ELF1: variants seen among roughly 807,000 people sequenced by gnomAD.
ELF1 encodes ETS-related transcription factor Elf-1.
A neutral mutation model predicts 59.9 loss-of-function variants in ELF1; 24 were observed. That is an observed-to-expected ratio of 0.40 (90% CI 0.29 to 0.56). The LOEUF is 0.56. Among genes scored for constraint, ELF1 ranks in the 20% least tolerant of loss-of-function variants. The pLI is 0.44. For missense variants in ELF1, 627 were observed against 742.2 expected (o/e 0.84, Z 1.80); for synonymous variants, 248 against 266.2 (o/e 0.93, Z 0.67).
At chr13:40,947,540 G>A (rs2138148547) in intron 5 of ELF1, among the ~76,000 whole-genome samples, 2 of 152,116 alleles carry the variant, frequency 1.3e-5, no homozygotes, top group Middle Eastern at 6.8e-3. Flanking sequence ...GTTAATCCTG[G>A]GCCTGTCTTA....
chr13:40,943,893 G>A lies in ELF1; in HGVS notation c.562C>T (p.Pro188Ser). The stretch of plus-strand genomic sequence containing the variant: ...ACAGATATATTTGGCGTAGTGGCTG[G>A]GGAATCTGGTCGTGGTGGTTTAGTT... ...RKTKPPRPDS[P>S]ATTPNISVKK... The change falls in exon 6 of 9, where the codon CCA (proline) becomes TCA (serine). Residue 188 changes from proline (P) to serine (S), a missense_variant. Transcript: ENST00000239882. 2 of 1,613,654 alleles carry A rather than the reference G, an allele frequency of 1.2e-6. No homozygotes were observed. The highest frequency in any genetic ancestry group is 8.5e-7 in the Non-Finnish European group (1 of 1,179,742).
chr13:40,969,607 T>C (rs915889640), intron 2 of ELF1, among the ~76,000 whole-genome samples: 1 of 152,222 alleles, frequency 6.6e-6, no homozygotes, highest in African/African-American at 2.4e-5. Flanking sequence ...AGTGTTTATA[T>C]GTGTGTATGC....
chr13:40,951,304 A>G (rs1256611250), intron 4 of ELF1, 25 bp downstream of exon 4: 1 of 1,560,948 alleles, frequency 6.4e-7, no homozygotes, highest in African/African-American at 1.4e-5. Flanking sequence ...AAAGTACATA[A>G]ACATAAACAA....
chr13:41,001,116 A>C (rs1874409966), intron 1 of ELF1, among the ~76,000 whole-genome samples: 1 of 151,756 alleles, frequency 6.6e-6, no homozygotes, highest in African/African-American at 2.4e-5. Flanking sequence ...AGCTGGGATT[A>C]CAGGTGCCCA....
upstream of ELF1, chr13:41,019,346 G>A (rs947146069): frequency 2.0e-6 from 2 of 985,280 alleles, no homozygotes; most frequent in Non-Finnish European, 2.4e-6. Flanking sequence ...TTCAGCTTAT[G>A]AGTCATACAT....
chr13:40,977,948 T>G (rs1334231499), intron 2 of ELF1, among the ~76,000 whole-genome samples: 1 of 152,136 alleles, frequency 6.6e-6, no homozygotes, highest in African/African-American at 2.4e-5. Flanking sequence ...GTGAAAAACA[T>G]AAAACATTCA....
At chr13:41,061,072 C>T (rs553219669) in exon 1 of ELF1, 40 of 194,334 alleles carry the variant, frequency 2.1e-4, no homozygotes, top group Admixed American at 4.2e-4. Flanking sequence ...CCTAGCGACT[C>T]GCAGCGCCGG....
chr13:40,939,546 C>T lies in ELF1; in HGVS notation c.1256+1375G>A, dbSNP rs186398764. ...AATGGGAGGAACCACACACTCCCAA[C>T]CAGACACCCAGTCATCACCTGTAAC... is the stretch of plus-strand genomic sequence containing the variant. On this transcript the variant is annotated intron_variant, in intron 8 of 8. Transcript: ENST00000239882. Among the ~76,000 whole-genome samples the T allele has an allele frequency of 1.1e-4, 17 of 152,246 alleles. No homozygotes were observed. The East Asian group carries it at 2.7e-3, about 24-fold the overall frequency.
intron 1 of ELF1, among the ~76,000 whole-genome samples, chr13:40,999,565 A>C (rs17061706): frequency 0.036 from 5,406 of 152,274 alleles, 327 homozygotes; most frequent in African/African-American, 0.12. Flanking sequence ...GGAGGTTATC[A>C]AACTGGGTTG....
chr13:41,033,375 G>T lies in ELF1; in HGVS notation c.-229+27463C>A, dbSNP rs117722962. 4.5e-3 allele frequency among the ~76,000 whole-genome samples: 691 copies of T among 152,306 alleles called. 3 individuals are homozygous for T. The highest frequency in any genetic ancestry group is 0.01 in the Middle Eastern group (3 of 294). On this transcript the variant is annotated intron_variant, in intron 1 of 1. Coordinates refer to the ELF1 transcript ENST00000405737. ...CTTAAATTACTTGTTATAGTGCCAG[G>T]ACACATAGTATGTTCTCAAATACAT...
At chr13:41,017,642 C>T (rs1361231133) in intron 1 of ELF1, among the ~76,000 whole-genome samples, 1 of 152,028 alleles carries the variant, frequency 6.6e-6, no homozygotes, top group Non-Finnish European at 1.5e-5. Flanking sequence ...TAAGAAAATA[C>T]ATAAACAATA....
intron 2 of ELF1, among the ~76,000 whole-genome samples, chr13:40,969,165 G>A (rs1372858394): frequency 6.6e-6 from 1 of 152,134 alleles, no homozygotes; most frequent in African/African-American, 2.4e-5. Flanking sequence ...CATGAGTCTA[G>A]TTCTTAAAAA....
At chr13:41,030,104 A>G (rs986010015) in intron 1 of ELF1, among the ~76,000 whole-genome samples, 2 of 151,810 alleles carry the variant, frequency 1.3e-5, no homozygotes, top group Non-Finnish European at 2.9e-5. Flanking sequence ...TATTAAAGCT[A>G]TAGGTTAGAA....
intron 1 of ELF1, among the ~76,000 whole-genome samples, chr13:41,058,809 C>T (rs1469538302): frequency 1.3e-5 from 2 of 152,106 alleles, no homozygotes; most frequent in African/African-American, 4.8e-5. Context: ...ATTGTCTTTA[C>T]TCAAAATACA....
At chr13:41,012,312 CAAAAAAAAAAAAA>C (rs56791748) in intron 1 of ELF1, among the ~76,000 whole-genome samples, 2 of 65,044 alleles carry the variant, frequency 3.1e-5, no homozygotes, top group African/African-American at 5.9e-5. Flanking sequence ...GACTCTGTCT[CAAAAAAAAAAAAA>C]AAAAAAAAAA....
In ELF1 at chr13:40,982,024, C is replaced by A. The variant is rs188926643; in HGVS notation, c.31G>T (p.Val11Leu). MAAVVQQNDL[V>L]FEFASNVMED... ...ATGACGTTACTAGCAAATTCAAATA[C>A]TAGGTCGTTCTGTTGGACAACAGCA... Residue 11 changes from valine (V) to leucine (L), a missense_variant, in exon 2 of 9, where the codon GTA becomes TTA. Val to Leu is a conservative substitution (Grantham distance 32). Transcript: ENST00000239882. The A allele has an allele frequency of 6.8e-6, 11 of 1,612,496 alleles. No homozygotes were observed. The East Asian group carries it at 2.5e-4, about 36-fold the overall frequency.
chr13:40,963,314 G>A (rs1871960628), intron 2 of ELF1, among the ~76,000 whole-genome samples: 1 of 152,228 alleles, frequency 6.6e-6, no homozygotes, highest in African/African-American at 2.4e-5. Flanking sequence ...AGCTGTGTTT[G>A]AGGTGGAGGT....
intron 2 of ELF1, among the ~76,000 whole-genome samples, chr13:40,981,529 TTAAG>T (rs1318620578): frequency 6.6e-6 from 1 of 152,090 alleles, no homozygotes; most frequent in African/African-American, 2.4e-5. Flanking sequence ...TCTAGAGAAG[TTAAG>T]TAACTTCCTC....
chr13:41,017,384 C>A (rs996496084), intron 1 of ELF1, among the ~76,000 whole-genome samples: 1 of 152,102 alleles, frequency 6.6e-6, no homozygotes, highest in Non-Finnish European at 1.5e-5. Context: ...CCTCTGTGGG[C>A]CACTGTTTCT....
Sources: gnomAD v4.1 joint callset for allele counts (sites outside exome capture counted in the v4.1 genomes callset) on GRCh38, gnomAD v4.1.1 for gene constraint, MANE v1.5 for transcripts, NCBI Gene and HGNC (gene_info 2026-07-23, HGNC 2026-07-21) for gene names.